The following VAT1L variants were observed in gnomAD, a reference collection of about 807,000 sequenced individuals.
VAT1L encodes vesicle amine transport 1 like.
VAT1L carries 34 observed loss-of-function variants against 44.1 expected under a neutral mutation model. That is an observed-to-expected ratio of 0.77 (90% CI 0.59 to 1.03). VAT1L has a LOEUF of 1.03. Ranked by LOEUF, VAT1L falls within the 50% of genes least tolerant of loss-of-function variation. The pLI, the probability that VAT1L is intolerant of heterozygous loss-of-function variation, is 0.00. For synonymous variants in VAT1L, 253 were observed against 202.2 expected, an observed-to-expected ratio of 1.25 and a Z score of -2.13; for missense variants, 615 against 538.8, an observed-to-expected ratio of 1.14 and a Z score of -1.40.
intron 3 of VAT1L, among the ~76,000 whole-genome samples, chr16:77,840,619 G>A (rs1404662384): frequency 6.6e-6 from 1 of 152,178 alleles, no homozygotes; most frequent in Non-Finnish European, 1.5e-5. Context: ...CATGTCAGGA[G>A]AAAATACTAC....
chr16:77,838,592 C>A (rs1327498433), intron 3 of VAT1L, among the ~76,000 whole-genome samples: 2 of 152,094 alleles, frequency 1.3e-5, no homozygotes, highest in Non-Finnish European at 2.9e-5. Context: ...CTCACACAAG[C>A]TATGTCCCTC....
intron 7 of VAT1L, among the ~76,000 whole-genome samples, chr16:77,939,318 A>G (rs118159684): frequency 5.5e-4 from 83 of 150,208 alleles, no homozygotes; most frequent in Non-Finnish European, 1.0e-3. Flanking sequence ...CTGAGAGCCA[A>G]TTGTGTGCAT....
chr16:77,921,318 G>C (rs443802), intron 7 of VAT1L, among the ~76,000 whole-genome samples: 152,322 of 152,322 alleles, frequency 1, 76,161 homozygotes, highest in Non-Finnish European at 1. Flanking sequence ...ATTCCCCTAT[G>C]TTTGCACTGA....
At chr16:77,894,127 C>G (rs1003980249) in intron 7 of VAT1L, among the ~76,000 whole-genome samples, 1 of 152,154 alleles carries the variant, frequency 6.6e-6, no homozygotes, top group Non-Finnish European at 1.5e-5. Flanking sequence ...ATTAGCGTCT[C>G]CACTATGTTG....
intron 1 of VAT1L, among the ~76,000 whole-genome samples, chr16:77,795,210 G>A (rs1209283826): frequency 1.4e-5 from 2 of 147,004 alleles, no homozygotes; most frequent in Non-Finnish European, 3.0e-5. Context: ...CCATTCTGCT[G>A]CTAAAAAATT....
chr16:77,885,745 G>A (rs533756328), intron 7 of VAT1L, among the ~76,000 whole-genome samples: 290 of 152,124 alleles, frequency 1.9e-3, no homozygotes, highest in Non-Finnish European at 3.7e-3. Flanking sequence ...TAACAAGTAC[G>A]AAAGTTCTAG....
At chr16:77,906,254 T>C (rs1166264911) in intron 7 of VAT1L, among the ~76,000 whole-genome samples, 1 of 152,220 alleles carries the variant, frequency 6.6e-6, no homozygotes, top group Admixed American at 6.5e-5. Flanking sequence ...TAAACTCATT[T>C]GATAATTACA....
chr16:77,976,214 T>C (rs942823598), intron 8 of VAT1L, among the ~76,000 whole-genome samples: 1 of 152,172 alleles, frequency 6.6e-6, no homozygotes, highest in Non-Finnish European at 1.5e-5. Context: ...CAGATGGACA[T>C]TGGCCAATGA....
At chr16:77,907,484 C>T (rs571641794) in intron 7 of VAT1L, among the ~76,000 whole-genome samples, 3 of 152,292 alleles carry the variant, frequency 2.0e-5, no homozygotes, top group African/African-American at 4.8e-5. Context: ...CAGCCCTAGG[C>T]ACCAGGCCTG....
intron 6 of VAT1L, among the ~76,000 whole-genome samples, chr16:77,880,096 C>T (rs1347553711): frequency 2.0e-5 from 3 of 152,186 alleles, no homozygotes; most frequent in East Asian, 1.9e-4. Context: ...ATTCACCTCA[C>T]TACAAATTGA....
At chr16:77,831,236 C>G (rs542608331) in intron 3 of VAT1L, among the ~76,000 whole-genome samples, 22 of 152,092 alleles carry the variant, frequency 1.4e-4, no homozygotes, top group Non-Finnish European at 2.9e-4. Flanking sequence ...ACATTTACCT[C>G]ACGTAAGGAT....
intron 7 of VAT1L, among the ~76,000 whole-genome samples, chr16:77,888,239 T>C (rs2017228810): frequency 6.6e-6 from 1 of 152,210 alleles, no homozygotes; most frequent in African/African-American, 2.4e-5. Flanking sequence ...TTACTGTCAG[T>C]TGAAATGATC....
chr16:77,814,784 GT>G (rs1473447304), intron 1 of VAT1L, among the ~76,000 whole-genome samples: 1 of 152,214 alleles, frequency 6.6e-6, no homozygotes, highest in Non-Finnish European at 1.5e-5. Context: ...TTTTATACAA[GT>G]GAAGTTCAGA....
intron 7 of VAT1L, among the ~76,000 whole-genome samples, chr16:77,910,545 C>G (rs2017488657): frequency 1.3e-5 from 2 of 151,672 alleles, no homozygotes; most frequent in South Asian, 4.2e-4. Flanking sequence ...ATGGTGGCGG[C>G]TGCCTGCAGT....
At chr16:77,813,403 G>A (rs1452391053) in intron 1 of VAT1L, among the ~76,000 whole-genome samples, 1 of 152,194 alleles carries the variant, frequency 6.6e-6, no homozygotes. Flanking sequence ...GGACCACACA[G>A]GTAGTCCAAG....
chr16:77,862,699 T>A (rs2016928345), intron 3 of VAT1L, 49 bp from the exon 4 acceptor site: 1 of 1,583,954 alleles, frequency 6.3e-7, no homozygotes, highest in Non-Finnish European at 8.6e-7. Context: ...AGACTGGCTA[T>A]GATCTGGTGG....
intron 7 of VAT1L, among the ~76,000 whole-genome samples, chr16:77,903,781 G>A (rs2142478673): frequency 7.0e-6 from 1 of 143,006 alleles, no homozygotes; most frequent in South Asian, 2.2e-4. Flanking sequence ...CTGTCACCCA[G>A]GCTGGAGTGC....
chr16:77,899,301 G>A (rs1273902874), intron 7 of VAT1L, among the ~76,000 whole-genome samples: 1 of 152,216 alleles, frequency 6.6e-6, no homozygotes, highest in East Asian at 1.9e-4. Context: ...CCCCCTCCAG[G>A]AGCGGCGATG....
intron 7 of VAT1L, among the ~76,000 whole-genome samples, chr16:77,957,703 G>A (rs990330847): frequency 7.9e-5 from 12 of 151,164 alleles, no homozygotes; most frequent in African/African-American, 2.4e-4. Flanking sequence ...CCAGCCTGGC[G>A]ACAGAACGAG....
Sources: allele counts gnomAD v4.1 joint callset (sites outside exome capture counted in the v4.1 genomes callset), GRCh38; gene constraint gnomAD v4.1.1; transcripts MANE v1.5; gene names NCBI Gene and HGNC (gene_info 2026-07-23, HGNC 2026-07-21).